EFHC1: variants seen among roughly 807,000 people sequenced by gnomAD.
EFHC1 encodes EF-hand domain-containing protein 1.
Under a neutral mutation model 69.9 loss-of-function variants are expected in EFHC1, and 53 were observed. That is an observed-to-expected ratio of 0.76 (90% CI 0.61 to 0.95). The LOEUF (loss-of-function observed/expected upper bound fraction) is 0.95. Among genes scored for constraint, EFHC1 ranks in the 40% least tolerant of loss-of-function variants. The pLI is 0.00. For missense variants in EFHC1, 739 were observed against 798.7 expected, an observed-to-expected ratio of 0.93 and a Z score of 0.90; for synonymous variants, 256 against 278.4, an observed-to-expected ratio of 0.92 and a Z score of 0.80.
chr6:52,473,525 A>G (rs544131248), intron 7 of EFHC1, among the ~76,000 whole-genome samples: 1 of 152,354 alleles, frequency 6.6e-6, no homozygotes, highest in East Asian at 1.9e-4. Context: ...TCATGCCTGT[A>G]ATCCCAGCAC....
intron 3 of EFHC1, among the ~76,000 whole-genome samples, chr6:52,449,052 C>T (rs1764855446): frequency 6.6e-6 from 1 of 152,198 alleles, no homozygotes. Context: ...GGAGGAATCC[C>T]TCCTCCTCAA....
intron 2 of EFHC1, among the ~76,000 whole-genome samples, chr6:52,436,185 A>G (rs1186855917): frequency 6.6e-6 from 1 of 152,196 alleles, no homozygotes; most frequent in African/African-American, 2.4e-5. Flanking sequence ...CTAAAATGTT[A>G]CTTCAACATT....
intron 2 of EFHC1, among the ~76,000 whole-genome samples, chr6:52,428,025 G>C (rs1016021695): frequency 6.6e-6 from 1 of 152,076 alleles, no homozygotes; most frequent in African/African-American, 2.4e-5. Flanking sequence ...TATAAACTCA[G>C]AAGGTTAGAA....
At chr6:52,488,611 C>G (rs1765834937) in intron 9 of EFHC1, 1 of 152,116 alleles carries the variant, frequency 6.6e-6, no homozygotes, top group Non-Finnish European at 1.5e-5. Context: ...ATGAAGGGAC[C>G]AAGGAAAAGC....
intron 9 of EFHC1, chr6:52,482,079 A>G (rs1765689242): frequency 6.6e-6 from 1 of 152,208 alleles, no homozygotes; most frequent in East Asian, 1.9e-4. Context: ...GCGGTGGCTC[A>G]TGCCTGTAAT....
In EFHC1 at chr6:52,493,150, T is replaced by A. The variant is rs866900706; in HGVS notation, c.*809T>A. The A allele has an allele frequency of 2.2e-6, 1 of 453,582 alleles. No homozygotes were observed. The highest frequency in any genetic ancestry group is 4.4e-6 in the Non-Finnish European group (1 of 226,722). The allele number at this position is 453,582 out of a possible 1,614,324, so 28.1% of individuals were successfully genotyped here. A position where few individuals can be genotyped will look rare whatever the true frequency, so the allele number is the denominator to read the frequency against. On this transcript the variant is annotated 3_prime_UTR_variant, in exon 11 of 11. Coordinates refer to ENST00000371068, the MANE Select transcript of EFHC1 (RefSeq NM_018100.4). ...GCCTTTTCTTGCCTTCAGACACAAA[T>A]GGAAACATCAGCTGTTGGTCTGGAG...
intron 9 of EFHC1, chr6:52,488,253 A>G (rs531494735): frequency 1.3e-5 from 2 of 152,326 alleles, no homozygotes; most frequent in Non-Finnish European, 2.9e-5. Context: ...ATAATTTAGT[A>G]TATATGATTT....
chr6:52,464,773 T>C, intron 5 of EFHC1, 122 bp from the exon 6 acceptor site: 4 of 796,720 alleles, frequency 5.0e-6, no homozygotes, highest in Non-Finnish European at 8.5e-6. Flanking sequence ...AGACCCTGAC[T>C]CTTGACCAGA....
intron 9 of EFHC1, chr6:52,482,923 C>T (rs1302243974): frequency 7.5e-6 from 3 of 398,300 alleles, no homozygotes; most frequent in Admixed American, 8.8e-5. Flanking sequence ...CTTTGCTGTA[C>T]TTTCATCCTT....
chr6:52,463,274 G>A (rs2114005955), intron 5 of EFHC1, among the ~76,000 whole-genome samples: 1 of 150,486 alleles, frequency 6.6e-6, no homozygotes, highest in South Asian at 2.1e-4. Context: ...CGCCCACCTC[G>A]GCCTCCCAAA....
In EFHC1 at chr6:52,443,833, TG is replaced by T. The variant is rs1764720949; in HGVS notation, c.573+5244del. Among the ~76,000 whole-genome samples the T allele has an allele frequency of 7.2e-5, 11 of 152,346 alleles. 1 individual carries two copies. In the South Asian group the frequency reaches 2.3e-3, roughly 32 times the overall value. ...TTTCCAATTCTGTGAAGAAAGTCAT[TG>T]GTAGCTTGATGGGGATGGCATTGAG... On this transcript the variant is annotated intron_variant, in intron 3 of 10. Coordinates refer to ENST00000371068, the MANE Select transcript of EFHC1 (RefSeq NM_018100.4).
rs886061630 is a variant in EFHC1 at position 52,469,392 on chromosome 6, T to C, written c.1197T>C (p.Ala399=). Residue 399 remains alanine, a synonymous_variant, in exon 7 of 11, where the codon GCT becomes GCC. Transcript: ENST00000371068. ...LVEDSAQNCF[A]LIPKAPKKDV... is the part of the protein sequence containing the mutation. ...AAGATTCTGCTCAGAATTGTTTTGC[T>C]CTCATTCCAAAAGCTCCAAAAAAAG... 7 of 1,613,938 alleles carry C rather than the reference T, an allele frequency of 4.3e-6. No individual in the cohort carries two copies. In the East Asian group the frequency reaches 1.6e-4, roughly 36 times the overall value.
Position 52,465,025 on chromosome 6 carries a change from A to T in EFHC1, c.1047A>T (p.Pro349=). 2 of 1,614,182 alleles carry T rather than the reference A, an allele frequency of 1.2e-6. No individual in the cohort carries two copies. Among genetic ancestry groups the T allele is most frequent in the Non-Finnish European group, 1.7e-6 (2 of 1,180,038 alleles). The part of the protein sequence containing the change: ...GRTFFIYDCD[P]FTRRYYKEKF... Reference sequence around the variant, plus strand: ...CTTTCTTCATTTATGATTGTGATCCATTTACTCGACGGTATTACAAAGAGA... The same window carrying T: ...CTTTCTTCATTTATGATTGTGATCCTTTTACTCGACGGTATTACAAAGAGA... The change falls in exon 6 of 11, where the codon CCA becomes CCT. Residue 349 remains proline, a synonymous_variant. Coordinates refer to ENST00000371068, the MANE Select transcript of EFHC1 (RefSeq NM_018100.4).
intron 7 of EFHC1, among the ~76,000 whole-genome samples, chr6:52,476,370 C>T (rs1196699110): frequency 6.6e-6 from 1 of 152,166 alleles, no homozygotes; most frequent in Non-Finnish European, 1.5e-5. Flanking sequence ...GTAAAATTAT[C>T]ATTAGGCACA....
At chr6:52,423,564 C>T in intron 1 of EFHC1, 2 of 434,046 alleles carry the variant, frequency 4.6e-6, no homozygotes, top group Non-Finnish European at 8.1e-6. Context: ...TGCAGTGGTT[C>T]AATCATAGCT....
At chr6:52,487,938 G>A (rs1467092490) in intron 9 of EFHC1, 2 of 152,182 alleles carry the variant, frequency 1.3e-5, no homozygotes, top group Non-Finnish European at 2.9e-5. Context: ...CTTGGGCTTT[G>A]GCAATAAAGT....
intron 5 of EFHC1, among the ~76,000 whole-genome samples, chr6:52,462,885 C>CAA (rs777016070): frequency 0.19 from 16,354 of 85,080 alleles, 1,444 homozygotes; most frequent in East Asian, 0.52. Flanking sequence ...AAGACTGTCT[C>CAA]AAAAAAAAAA....
intron 5 of EFHC1, among the ~76,000 whole-genome samples, chr6:52,455,482 A>G (rs888094116): frequency 6.6e-6 from 1 of 151,942 alleles, no homozygotes; most frequent in African/African-American, 2.4e-5. Context: ...GTGAAACCCC[A>G]TCTCTACTAA....
At chr6:52,454,362 C>T in intron 5 of EFHC1, 75 bp downstream of exon 5, 2 of 1,586,802 alleles carry the variant, frequency 1.3e-6, no homozygotes, top group Admixed American at 3.4e-5. Context: ...AATCAGTATG[C>T]AAAATTCGTT....
Sources: gnomAD v4.1 joint callset for allele counts (sites outside exome capture counted in the v4.1 genomes callset) on GRCh38, gnomAD v4.1.1 for gene constraint, MANE v1.5 for transcripts, NCBI Gene and HGNC (gene_info 2026-07-23, HGNC 2026-07-21) for gene names.